SLF2: variants seen among roughly 807,000 people sequenced by gnomAD.
SLF2 encodes the protein SMC5/6 complex localization factor 2.
SLF2 carries 68 observed loss-of-function variants against 124.3 expected under a neutral mutation model. That is an observed-to-expected ratio of 0.55 (90% CI 0.45 to 0.67). The LOEUF is 0.67. Ranked by LOEUF, SLF2 falls within the 30% of genes least tolerant of loss-of-function variation. SLF2 has a pLI of 0.00. For synonymous variants in SLF2, 480 were observed against 478.8 expected, an observed-to-expected ratio of 1.00 and a Z score of -0.03; for missense variants, 1,246 against 1,373.7, an observed-to-expected ratio of 0.91 and a Z score of 1.47.
chr10:100,950,031 C>T (rs763749050), intron 15 of SLF2, 45 bp from the exon 16 acceptor site: 2 of 1,486,844 alleles, frequency 1.3e-6, no homozygotes, highest in East Asian at 2.4e-5. Context: ...GAAAGAACAA[C>T]TATATTATTT....
chr10:100,931,578 GT>G (rs1333605361), intron 9 of SLF2, among the ~76,000 whole-genome samples: 2 of 151,976 alleles, frequency 1.3e-5, no homozygotes, highest in Non-Finnish European at 2.9e-5. Context: ...ATTCCAGAAA[GT>G]TAACTCAATT....
chr10:100,935,330 G>A (rs1046541868), intron 9 of SLF2, among the ~76,000 whole-genome samples: 23 of 152,094 alleles, frequency 1.5e-4, no homozygotes, highest in Non-Finnish European at 2.9e-4. Flanking sequence ...GGGAGGCGGA[G>A]GTCGCAGTGA....
intron 4 of SLF2, among the ~76,000 whole-genome samples, chr10:100,918,647 G>A (rs534139058): frequency 6.6e-6 from 1 of 152,192 alleles, no homozygotes; most frequent in Admixed American, 6.5e-5. Context: ...TTTGAGACAG[G>A]GTCTTACTCT....
chr10:100,925,034 G>T, intron 5 of SLF2, 62 bp downstream of exon 5: 1 of 1,477,438 alleles, frequency 6.8e-7, no homozygotes, highest in Non-Finnish European at 9.1e-7. Flanking sequence ...TTAGTGAAAG[G>T]GGTGGATTAT....
Position 100,923,958 on chromosome 10 carries a change from C to T in SLF2, c.974-17C>T. ...GAAAGTATATTTTTCACTAATCTAA[C>T]AAAAATTAAATTTTAGCAGGCTCTA... On this transcript the variant is annotated splice_polypyrimidine_tract_variant and intron_variant, in intron 4 of 19. Transcript: ENST00000238961. The T allele has an allele frequency of 6.7e-7, 1 of 1,485,976 alleles. No homozygotes were observed. The highest frequency in any genetic ancestry group is 8.9e-7 in the Non-Finnish European group (1 of 1,120,710). The allele number at this position is 1,485,976 out of a possible 1,614,324, so 92.0% of individuals were successfully genotyped here.
chr10:100,923,599 T>C (rs899776990), intron 4 of SLF2, among the ~76,000 whole-genome samples: 6 of 152,128 alleles, frequency 3.9e-5, no homozygotes, highest in African/African-American at 1.4e-4. Context: ...TACATTTAAA[T>C]GTAGAAGTGT....
chr10:100,962,236 T>A lies in SLF2; in HGVS notation c.*324T>A. ...CTCTTGTTAAATTATAAGCCAGTTATCTTTTTTAGATAGTATTTTTGTCAC... is the reference window on the plus strand; with the variant it reads ...CTCTTGTTAAATTATAAGCCAGTTAACTTTTTTAGATAGTATTTTTGTCAC... On this transcript the variant is annotated 3_prime_UTR_variant, in exon 20 of 20. Coordinates refer to ENST00000238961, the MANE Select transcript of SLF2 (RefSeq NM_018121.4). The A allele has an allele frequency of 5.2e-6, 1 of 192,262 alleles. No homozygotes were observed. 11.9% of individuals were successfully genotyped at this position (192,262 alleles called of 1,614,324 possible).
chr10:100,915,403 A>G (rs1019924602), intron 1 of SLF2, among the ~76,000 whole-genome samples: 1 of 152,086 alleles, frequency 6.6e-6, no homozygotes, highest in African/African-American at 2.4e-5. Flanking sequence ...TTGTCCAGCA[A>G]ACTCCTCTTC....
chr10:100,950,841 CTA>C, intron 17 of SLF2, 88 bp downstream of exon 17: 1 of 1,003,326 alleles, frequency 1.0e-6, no homozygotes. Flanking sequence ...TAGGAGAAAA[CTA>C]TGTAAACTTT....
chr10:100,929,248 G>A (rs1185241842), intron 6 of SLF2, 69 bp from the exon 7 acceptor site: 4 of 1,423,092 alleles, frequency 2.8e-6, no homozygotes, highest in Non-Finnish European at 2.8e-6. Flanking sequence ...GCTGCTTTTA[G>A]ATATAAACTA....
chr10:100,939,673 A>G (rs1589957162), intron 11 of SLF2, among the ~76,000 whole-genome samples: 2 of 151,884 alleles, frequency 1.3e-5, no homozygotes, highest in African/African-American at 4.8e-5. Flanking sequence ...GTGAGACTCC[A>G]TCTAAAAAAA....
At chr10:100,937,618 G>GT (rs540400452) in intron 10 of SLF2, 141 bp downstream of exon 10, 11,891 of 503,310 alleles carry the variant, frequency 0.024, no homozygotes, top group East Asian at 0.037. Context: ...GTTTTTTTTG[G>GT]TTTTTTTTTT....
chr10:100,931,115 A>G (rs1230728990), intron 9 of SLF2, 37 bp downstream of exon 9: 14 of 1,459,476 alleles, frequency 9.6e-6, no homozygotes, highest in Admixed American at 2.1e-5. Context: ...GTTGCCTCCT[A>G]CTATATTTCT....
chr10:100,949,611 T>A (rs909064522), intron 15 of SLF2, among the ~76,000 whole-genome samples: 3 of 151,940 alleles, frequency 2.0e-5, no homozygotes, highest in Non-Finnish European at 4.4e-5. Flanking sequence ...TTTTTTTTTT[T>A]GAGAGATGTA....
intron 6 of SLF2, among the ~76,000 whole-genome samples, chr10:100,928,871 C>T (rs1450574107): frequency 6.6e-6 from 1 of 152,192 alleles, no homozygotes; most frequent in Non-Finnish European, 1.5e-5. Context: ...ATGACAGTGA[C>T]AACTACTGCT....
chr10:100,921,945 T>G (rs1033005277), intron 4 of SLF2, among the ~76,000 whole-genome samples: 3 of 152,344 alleles, frequency 2.0e-5, no homozygotes, highest in African/African-American at 7.2e-5. Context: ...TAATGGGAGA[T>G]ATCTGTAAAA....
intron 6 of SLF2, among the ~76,000 whole-genome samples, chr10:100,928,805 A>T (rs1168250569): frequency 6.6e-6 from 1 of 152,216 alleles, no homozygotes; most frequent in Non-Finnish European, 1.5e-5. Context: ...TAAAGCCCTT[A>T]GTGCAGTGCC....
chr10:100,939,186 G>T (rs1849921126), intron 11 of SLF2, among the ~76,000 whole-genome samples: 1 of 152,182 alleles, frequency 6.6e-6, no homozygotes, highest in East Asian at 1.9e-4. Context: ...TTAGTAAAGA[G>T]AAATCAATAA....
intron 11 of SLF2, among the ~76,000 whole-genome samples, chr10:100,941,835 C>A (rs532749004): frequency 6.6e-6 from 1 of 152,100 alleles, no homozygotes; most frequent in South Asian, 2.1e-4. Flanking sequence ...AAGGTCAGCA[C>A]GGAGAGGTTA....
Sources: gnomAD v4.1 joint callset for allele counts (sites outside exome capture counted in the v4.1 genomes callset) on GRCh38, gnomAD v4.1.1 for gene constraint, MANE v1.5 for transcripts, NCBI Gene and HGNC (gene_info 2026-07-23, HGNC 2026-07-21) for gene names.